ARHGEF38: variants seen among roughly 807,000 people sequenced by gnomAD.
ARHGEF38 encodes Rho guanine nucleotide exchange factor (GEF) 38.
A neutral mutation model predicts 79.9 loss-of-function variants in ARHGEF38; 79 were observed. The observed-to-expected ratio is 0.99, with a 90% confidence interval of 0.82 to 1.19. The LOEUF (loss-of-function observed/expected upper bound fraction) is 1.19, where lower values mean the gene tolerates loss of function less well. ARHGEF38 is among the 50% of genes most tolerant of loss of function. The probability of loss-of-function intolerance (pLI) is 0.00; values close to 1 mark genes in which losing one functional copy is unlikely to be tolerated. For missense variants in ARHGEF38, 962 were observed against 907.2 expected (o/e 1.06, Z -0.78); for synonymous variants, 366 against 328.3 (o/e 1.11, Z -1.24).
At chr4:105,631,687 G>A (rs1024237704) in intron 4 of ARHGEF38, 1 of 972,536 alleles carries the variant, frequency 1.0e-6, no homozygotes, top group Non-Finnish European at 1.2e-6. Flanking sequence ...TTCACTATTA[G>A]CCCCTTTCTT....
chr4:105,624,202 C>T (rs1297923245), intron 3 of ARHGEF38, among the ~76,000 whole-genome samples: 1 of 152,118 alleles, frequency 6.6e-6, no homozygotes, highest in East Asian at 1.9e-4. Flanking sequence ...TTTTTCTGAA[C>T]TTATCTTACG....
chr4:105,667,839 T>C (rs952946567), intron 13 of ARHGEF38, 136 bp downstream of exon 13: 2 of 997,930 alleles, frequency 2.0e-6, no homozygotes, highest in Admixed American at 2.9e-5. Context: ...ATTAGCACAG[T>C]GGATCTTTTT....
At chr4:105,626,075 T>C (rs538266858) in intron 3 of ARHGEF38, among the ~76,000 whole-genome samples, 2 of 152,302 alleles carry the variant, frequency 1.3e-5, no homozygotes, top group East Asian at 3.9e-4. Context: ...CAAACCTACA[T>C]CTTTGTCCAA....
intron 2 of ARHGEF38, among the ~76,000 whole-genome samples, chr4:105,605,422 G>C (rs955368359): frequency 1.3e-5 from 2 of 151,962 alleles, no homozygotes; most frequent in Non-Finnish European, 2.9e-5. Context: ...TTCTGTTCCA[G>C]AACTCCCACT....
In ARHGEF38 at chr4:105,659,216, T is replaced by A. The variant is rs553330310; in HGVS notation, c.1396T>A (p.Tyr466Asn). Residue 466 changes from tyrosine (Y) to asparagine (N), a missense_variant, in exon 10 of 14, where the codon TAT (tyrosine) becomes AAT (asparagine). Coordinates refer to ENST00000420470, the MANE Select transcript of ARHGEF38 (RefSeq NM_001242729.2). ...GGAGTCAGACTTGGCCAAAAAGGAG[T>A]ATGAGGCCCTCAACGCCCAGCTTGT... The part of the protein sequence containing the change: ...GEESDLAKKE[Y>N]EALNAQLVEE... 28 of 1,535,816 alleles carry A rather than the reference T, an allele frequency of 1.8e-5. No individual in the cohort carries two copies. In the African/African-American group the frequency reaches 3.1e-4, roughly 17 times the overall value.
intron 1 of ARHGEF38, among the ~76,000 whole-genome samples, chr4:105,553,569 G>C (rs2866800): frequency 0.051 from 7,733 of 152,178 alleles, 566 homozygotes; most frequent in African/African-American, 0.16. Context: ...TGCTTATTTT[G>C]AATGACATTT....
chr4:105,616,454 G>A lies in ARHGEF38; in HGVS notation c.508+2947G>A, dbSNP rs181270644. 1.9e-3 allele frequency among the ~76,000 whole-genome samples: 294 copies of A among 152,122 alleles called. 2 individuals carry two copies. Among genetic ancestry groups the A allele is most frequent in the Non-Finnish European group, 2.3e-3 (153 of 67,992 alleles). On this transcript the variant is annotated intron_variant, in intron 3 of 13. Transcript: ENST00000420470. The stretch of plus-strand genomic sequence containing the variant: ...AAAGACCTTCTCCACACTGTGGCAG[G>A]AGAGAGAGAGCACGCCAAGGGGGAA...
chr4:105,567,824 A>G (rs1726007547), intron 1 of ARHGEF38, among the ~76,000 whole-genome samples: 1 of 151,936 alleles, frequency 6.6e-6, no homozygotes, highest in South Asian at 2.1e-4. Flanking sequence ...GTACATGTGC[A>G]CATTGTGCAA....
intron 1 of ARHGEF38, among the ~76,000 whole-genome samples, chr4:105,554,255 C>T (rs759277782): frequency 7.2e-5 from 11 of 152,076 alleles, no homozygotes; most frequent in Admixed American, 2.6e-4. Context: ...TTGTTACTTG[C>T]GTATTTTGTG....
At chr4:105,587,010 C>T (rs1270477761) in intron 1 of ARHGEF38, among the ~76,000 whole-genome samples, 1 of 152,048 alleles carries the variant, frequency 6.6e-6, no homozygotes, top group Admixed American at 6.5e-5. Flanking sequence ...ATGCAGCCTC[C>T]TCACTGCAGC....
intron 2 of ARHGEF38, among the ~76,000 whole-genome samples, chr4:105,605,491 A>G (rs1230968773): frequency 1.3e-5 from 2 of 152,118 alleles, no homozygotes; most frequent in Admixed American, 1.3e-4. Flanking sequence ...CCACATTAGT[A>G]TCTTCTGGCC....
At chr4:105,672,123 C>T (rs1001290087) in intron 13 of ARHGEF38, among the ~76,000 whole-genome samples, 13 of 152,164 alleles carry the variant, frequency 8.5e-5, no homozygotes, top group South Asian at 4.1e-4. Context: ...TTAACCTGGA[C>T]GCGAAGACCT....
rs557458883 is a variant in ARHGEF38, at chr4:105,650,667, A to T, written c.1008+1985A>T. 5.9e-5 allele frequency among the ~76,000 whole-genome samples: 9 copies of T among 152,304 alleles called. No individual in the cohort carries two copies. The South Asian group carries it at 1.9e-3, about 32-fold the overall frequency. On this transcript the variant is annotated intron_variant, in intron 7 of 13. Coordinates refer to ENST00000420470, the MANE Select transcript of ARHGEF38 (RefSeq NM_001242729.2). ...ACTCCTCTCTCTGGGACCTGTGAGT[A>T]TAATAAACTTCTTCCTTCCAAGTCA...
chr4:105,552,679 G>C lies in ARHGEF38; in HGVS notation c.-87G>C. 1 of 1,113,520 alleles carries C rather than the reference G, an allele frequency of 9.0e-7. No homozygotes were observed. The highest frequency in any genetic ancestry group is 1.7e-5 in the South Asian group (1 of 57,382). The allele number at this position is 1,113,520 out of a possible 1,614,324, so 69.0% of individuals were successfully genotyped here. A position where few individuals can be genotyped will look rare whatever the true frequency, so the allele number is the denominator to read the frequency against. On this transcript the variant is annotated 5_prime_UTR_variant, in exon 1 of 14. Transcript: ENST00000420470. ...TAGTTAGAAGGGAGCAGATAAACTC[G>C]TCACTCTAGTAGCTTTAACCCTCAC...
At chr4:105,618,060 A>G (rs542798871) in intron 3 of ARHGEF38, among the ~76,000 whole-genome samples, 1 of 152,216 alleles carries the variant, frequency 6.6e-6, no homozygotes, top group African/African-American at 2.4e-5. Context: ...AAGCAAAAAG[A>G]TAATGCCTAT....
chr4:105,657,428 A>G (rs968160977), intron 9 of ARHGEF38, among the ~76,000 whole-genome samples: 4 of 152,198 alleles, frequency 2.6e-5, no homozygotes, highest in Admixed American at 2.6e-4. Flanking sequence ...AAAATCAAAT[A>G]TTAAGAACTC....
At chr4:105,562,951 G>A (rs1034030092) in intron 1 of ARHGEF38, among the ~76,000 whole-genome samples, 1 of 152,176 alleles carries the variant, frequency 6.6e-6, no homozygotes, top group African/African-American at 2.4e-5. Context: ...GAAGACAGAT[G>A]ATTTTTTGGA....
At chr4:105,641,146 T>G (rs1729601001) in intron 5 of ARHGEF38, among the ~76,000 whole-genome samples, 1 of 152,144 alleles carries the variant, frequency 6.6e-6, no homozygotes, top group South Asian at 2.1e-4. Context: ...TTTTTCTATT[T>G]TCTATTCTTT....
intron 2 of ARHGEF38, among the ~76,000 whole-genome samples, chr4:105,593,399 G>A (rs1254495560): frequency 6.6e-6 from 1 of 151,964 alleles, no homozygotes. Flanking sequence ...ACAGCCAAGT[G>A]TAGTGGCTTG....
Sources: allele counts gnomAD v4.1 joint callset (sites outside exome capture counted in the v4.1 genomes callset), GRCh38; gene constraint gnomAD v4.1.1; transcripts MANE v1.5; gene names NCBI Gene and HGNC (gene_info 2026-07-23, HGNC 2026-07-21).